SMARCA1: variants seen among roughly 807,000 people sequenced by gnomAD.
SMARCA1 encodes SWI/SNF-related matrix-associated actin-dependent regulator of chromatin subfamily A member 1.
Under a neutral mutation model 93.6 loss-of-function variants are expected in SMARCA1, and 17 were observed. That is an observed-to-expected ratio of 0.18 (90% CI 0.12 to 0.27). The LOEUF (loss-of-function observed/expected upper bound fraction) is 0.27, where lower values mean the gene tolerates loss of function less well. SMARCA1 is among the 10% of genes least tolerant of loss of function. The probability of loss-of-function intolerance (pLI) is 1.00; values close to 1 mark genes in which losing one functional copy is unlikely to be tolerated. For missense variants in SMARCA1, 630 were observed against 819.0 expected, an observed-to-expected ratio of 0.77 and a Z score of 2.82; for synonymous variants, 271 against 271.4, an observed-to-expected ratio of 1.00 and a Z score of 0.01.
chrX:129,521,264 C>T (rs761395996), intron 1 of SMARCA1, among the ~76,000 whole-genome samples: 2 of 112,129 alleles, frequency 1.8e-5, no homozygotes, highest in South Asian at 3.7e-4. Context: ...GAACAACCTG[C>T]GGGATTTCAG....
chrX:129,471,250 G>A lies in SMARCA1; in HGVS notation c.2519C>T (p.Pro840Leu). 1.7e-6 allele frequency: 2 copies of A among 1,201,241 alleles called. No homozygotes were observed. Among genetic ancestry groups the A allele is most frequent in the Non-Finnish European group, 2.3e-6 (2 of 886,915 alleles). The change falls in exon 20 of 25, where the codon CCT becomes CTT. Residue 840 changes from proline (P) to leucine (L), a missense_variant. By Grantham distance (98) the Pro-to-Leu change is moderately conservative. Transcript: ENST00000371121. ...EEQKKIDGAE[P>L]LTPEETEEKE... ...TTCTTCAGTCTCTTCTGGTGTAAGAGGTTCAGCTCCATCAATCTTTTTTTG... is the reference window on the plus strand; with the variant it reads ...TTCTTCAGTCTCTTCTGGTGTAAGAAGTTCAGCTCCATCAATCTTTTTTTG...
At chrX:129,522,846 T>A (rs990756091) in intron 1 of SMARCA1, among the ~76,000 whole-genome samples, 1 of 110,431 alleles carries the variant, frequency 9.1e-6, no homozygotes, top group Non-Finnish European at 1.9e-5. Flanking sequence ...AGGCGGAGGC[T>A]TTTTCCTGCA....
chrX:129,450,511 AT>A (rs1932236532), intron 23 of SMARCA1, among the ~76,000 whole-genome samples: 1 of 112,013 alleles, frequency 8.9e-6, no homozygotes, highest in Non-Finnish European at 1.9e-5. Context: ...GGATCTTAAA[AT>A]TTTCACACCC....
intron 21 of SMARCA1, among the ~76,000 whole-genome samples, chrX:129,467,938 G>A (rs1054379694): frequency 8.9e-6 from 1 of 112,307 alleles, no homozygotes; most frequent in East Asian, 2.8e-4. Flanking sequence ...CAAATGATAA[G>A]TTTAAGAGCT....
At chrX:129,505,999 TA>T in intron 8 of SMARCA1, 80 bp downstream of exon 8, 1 of 782,144 alleles carries the variant, frequency 1.3e-6, no homozygotes, top group Non-Finnish European at 1.8e-6. Flanking sequence ...AAAAGTACCA[TA>T]AATTTCAATC....
intron 9 of SMARCA1, among the ~76,000 whole-genome samples, 178 bp downstream of exon 9, chrX:129,504,556 A>ATAAAAAAAT (rs1569446026): frequency 1.1e-5 from 1 of 87,069 alleles, no homozygotes; most frequent in African/African-American, 5.0e-5. Context: ...GAATAAAAAA[A>ATAAAAAAAT]AAAAAAAAAA....
intron 5 of SMARCA1, among the ~76,000 whole-genome samples, chrX:129,512,285 A>G (rs770879312): frequency 2.7e-5 from 3 of 112,211 alleles, no homozygotes; most frequent in South Asian, 7.4e-4. Flanking sequence ...AATCTACTAT[A>G]TAATTTTTCT....
At chrX:129,454,306 G>T (rs1313347342) in intron 23 of SMARCA1, among the ~76,000 whole-genome samples, 1 of 112,265 alleles carries the variant, frequency 8.9e-6, no homozygotes, top group African/African-American at 3.2e-5. Flanking sequence ...ATGGATTAAA[G>T]ACTTACACGT....
intron 23 of SMARCA1, among the ~76,000 whole-genome samples, chrX:129,449,664 T>C (rs1373572997): frequency 8.9e-6 from 1 of 111,955 alleles, no homozygotes; most frequent in Non-Finnish European, 1.9e-5. Flanking sequence ...TGGTTTAATA[T>C]CAAAGGATAA....
In SMARCA1 at chrX:129,491,943, T is replaced by C. The variant is rs757512875; in HGVS notation, c.1813A>G (p.Met605Val). 2 of 1,188,672 alleles carry C rather than the reference T, an allele frequency of 1.7e-6. No homozygotes were observed. The highest frequency in any genetic ancestry group is 2.3e-6 in the Non-Finnish European group (2 of 879,536). The change falls in exon 14 of 25, where the codon ATG becomes GTG. Residue 605 changes from methionine (M) to valine (V), a missense_variant and splice_region_variant. Around this residue, in one of 4 missense-constraint regions of SMARCA1, gnomAD observed 382 missense variants for 537.9 expected, o/e 0.71. Coordinates refer to ENST00000371121, the MANE Select transcript of SMARCA1 (RefSeq NM_001282874.2). ...DWNPQVDLQAMDRAHRIGQKK... is the reference protein window; with the variant it reads ...DWNPQVDLQAVDRAHRIGQKK... ...TGACACCATTAAAGATTACTAACCATAGCTTGTAGATCAACCTGTGGGTTC... is the reference window on the plus strand; with the variant it reads ...TGACACCATTAAAGATTACTAACCACAGCTTGTAGATCAACCTGTGGGTTC...
chrX:129,489,140 C>T, intron 15 of SMARCA1, 55 bp from the exon 16 acceptor site: 2 of 791,312 alleles, frequency 2.5e-6, no homozygotes, highest in Non-Finnish European at 3.7e-6. Context: ...CCAAAGAAGG[C>T]ATAATCATTC....
chrX:129,460,053 G>A (rs1932779728), intron 23 of SMARCA1, among the ~76,000 whole-genome samples: 3 of 111,133 alleles, frequency 2.7e-5, no homozygotes, highest in East Asian at 2.9e-4. Flanking sequence ...AGGAGGCTGA[G>A]GTGGGAGGTT....
intron 8 of SMARCA1, 47 bp downstream of exon 8, chrX:129,506,033 C>A: frequency 1.0e-6 from 1 of 970,933 alleles, no homozygotes; most frequent in South Asian, 2.4e-5. Flanking sequence ...AAACACATGT[C>A]AGTGAAAATA....
chrX:129,450,615 T>C (rs1312927700), intron 23 of SMARCA1, among the ~76,000 whole-genome samples: 2 of 111,815 alleles, frequency 1.8e-5, no homozygotes, highest in Non-Finnish European at 3.8e-5. Flanking sequence ...AGTGTTAAAC[T>C]GGGAACTAAC....
chrX:129,448,966 GCA>G (rs34806802), intron 23 of SMARCA1, among the ~76,000 whole-genome samples: 3,630 of 102,281 alleles, frequency 0.035, 166 homozygotes, highest in African/African-American at 0.12. Context: ...GCATTGAACT[GCA>G]CACACACACA....
At chrX:129,511,367 G>T (rs1004563970) in intron 6 of SMARCA1, among the ~76,000 whole-genome samples, 1 of 112,084 alleles carries the variant, frequency 8.9e-6, no homozygotes, top group Admixed American at 9.5e-5. Flanking sequence ...GCATATGCGT[G>T]TGTGTACACC....
At chrX:129,498,287 A>G (rs1187048536) in intron 10 of SMARCA1, among the ~76,000 whole-genome samples, 3 of 111,992 alleles carry the variant, frequency 2.7e-5, no homozygotes, top group Non-Finnish European at 5.6e-5. Flanking sequence ...ATCCATGACA[A>G]GAAACTGCCA....
chrX:129,515,734 T>C lies in SMARCA1; in HGVS notation c.583A>G (p.Ile195Val), dbSNP rs1247675981. ...TTGACTCCATTTTCATATAAAGAGA[T>C]CAACCAATTCAGTCCTCGAATCTGA... ...DYQIRGLNWL[I>V]SLYENGVNGI... The change falls in exon 5 of 25, where the codon ATC becomes GTC. Residue 195 changes from isoleucine to valine, a missense_variant. Coordinates refer to ENST00000371121, the MANE Select transcript of SMARCA1 (RefSeq NM_001282874.2). 1 of 1,205,670 alleles carries C rather than the reference T, an allele frequency of 8.3e-7. No individual in the cohort carries two copies. The highest frequency in any genetic ancestry group is 1.8e-5 in the African/African-American group (1 of 56,963).
chrX:129,516,042 G>T (rs763582297), intron 3 of SMARCA1, 48 bp from the exon 4 acceptor site: 12 of 917,558 alleles, frequency 1.3e-5, no homozygotes, highest in African/African-American at 1.9e-5. Flanking sequence ...AAATGATAAG[G>T]TATCAATTAA....
Sources: gnomAD v4.1 joint callset for allele counts (sites outside exome capture counted in the v4.1 genomes callset) on GRCh38, gnomAD v4.1.1 for gene constraint, gnomAD v4.1.1 regional missense constraint, MANE v1.5 for transcripts, NCBI Gene and HGNC (gene_info 2026-07-23, HGNC 2026-07-21) for gene names.